TSGA10: variants seen among roughly 807,000 people sequenced by gnomAD.
The protein encoded by TSGA10 is testis specific 10.
A neutral mutation model predicts 96.6 loss-of-function variants in TSGA10; 43 were observed. The observed-to-expected ratio is 0.44, with a 90% CI of 0.35 to 0.57. The LOEUF is 0.57. TSGA10 is among the 20% of genes least tolerant of loss of function. The probability of loss-of-function intolerance (pLI) is 0.01; values close to 1 mark genes in which losing one functional copy is unlikely to be tolerated. For synonymous variants in TSGA10, 229 were observed against 269.9 expected, an observed-to-expected ratio of 0.85 and a Z score of 1.48; for missense variants, 703 against 834.4, an observed-to-expected ratio of 0.84 and a Z score of 1.94.
At chr2:99,049,512 T>C (rs2083161525) in intron 16 of TSGA10, among the ~76,000 whole-genome samples, 1 of 151,992 alleles carries the variant, frequency 6.6e-6, no homozygotes, top group South Asian at 2.1e-4. Context: ...TTCTCACTCA[T>C]AAGTGGGAGT....
In TSGA10 at chr2:99,109,394, C is replaced by A. The variant is rs188665285; in HGVS notation, c.46G>T (p.Ala16Ser). ...TGTAAGTTTATAAAACCTACCCGGG[C>A]AGTTGGTGATGGGCGTCTTGGACTT... Reference protein sequence around the residue: ...SKSPRRPSPTARGANCDVELL... With the variant: ...SKSPRRPSPTSRGANCDVELL... Residue 16 changes from alanine (A) to serine (S), a missense_variant, in exon 6 of 21, where the codon GCC (alanine) becomes TCC (serine). Physicochemically the swap from Ala to Ser is moderately conservative, Grantham distance 99 (BLOSUM62 1). Coordinates refer to ENST00000393483, the MANE Select transcript of TSGA10 (RefSeq NM_025244.4). 2.5e-6 allele frequency: 4 copies of A among 1,613,956 alleles called. No individual in the cohort carries two copies. In the African/African-American group the frequency reaches 4.0e-5, roughly 16 times the overall value.
intron 1 of TSGA10, among the ~76,000 whole-genome samples, chr2:99,136,731 G>A (rs1372487710): frequency 3.0e-5 from 1 of 33,642 alleles, no homozygotes; most frequent in South Asian, 1.1e-3. Flanking sequence ...CCCGGGAGGC[G>A]GAGCTTGCAG....
chr2:99,069,504 A>G (rs2085659862), intron 14 of TSGA10, among the ~76,000 whole-genome samples: 1 of 151,990 alleles, frequency 6.6e-6, no homozygotes, highest in Non-Finnish European at 1.5e-5. Flanking sequence ...GAAAATGTCT[A>G]TTTACATTTT....
intron 20 of TSGA10, among the ~76,000 whole-genome samples, chr2:99,002,866 T>C (rs1390577527): frequency 6.6e-6 from 1 of 151,846 alleles, no homozygotes. Flanking sequence ...AACAAACTTT[T>C]TTTTTTTTTT....
intron 20 of TSGA10, among the ~76,000 whole-genome samples, chr2:99,006,375 T>C (rs1399842496): frequency 6.6e-6 from 1 of 151,940 alleles, no homozygotes; most frequent in Non-Finnish European, 1.5e-5. Flanking sequence ...AATGGGAGAA[T>C]ATTTTTGCAA....
At chr2:99,072,017 TG>T in intron 13 of TSGA10, 143 bp from the exon 14 acceptor site, 1 of 681,018 alleles carries the variant, frequency 1.5e-6, no homozygotes, top group Non-Finnish European at 2.4e-6. Flanking sequence ...GAATAAATAC[TG>T]CAAAGACAGT....
chr2:99,133,302 C>T (rs1158279854), intron 1 of TSGA10, among the ~76,000 whole-genome samples: 1 of 152,096 alleles, frequency 6.6e-6, no homozygotes, highest in Non-Finnish European at 1.5e-5. Context: ...GGATAATTAG[C>T]TCTTCTTGTT....
At chr2:99,026,698 T>C (rs1390757484) in intron 17 of TSGA10, among the ~76,000 whole-genome samples, 3 of 151,962 alleles carry the variant, frequency 2.0e-5, no homozygotes, top group Admixed American at 1.3e-4. Context: ...GCTGGGATTA[T>C]AGGCATGAGC....
chr2:99,063,810 A>AAT (rs940808292), intron 16 of TSGA10, among the ~76,000 whole-genome samples: 14 of 151,880 alleles, frequency 9.2e-5, no homozygotes, highest in African/African-American at 2.2e-4. Context: ...ATCTCAAAAA[A>AAT]ATATATATAT....
At chr2:99,116,120 C>T (rs989465240) in intron 4 of TSGA10, among the ~76,000 whole-genome samples, 3 of 152,178 alleles carry the variant, frequency 2.0e-5, no homozygotes, top group Non-Finnish European at 4.4e-5. Flanking sequence ...CACGTAATAA[C>T]AATTAGCTTT....
chr2:99,075,686 T>A (rs143801741), intron 12 of TSGA10, among the ~76,000 whole-genome samples: 2,358 of 152,298 alleles, frequency 0.015, 51 homozygotes, highest in African/African-American at 0.053. Context: ...ATGGATGTGT[T>A]TACTTTCATA....
intron 17 of TSGA10, among the ~76,000 whole-genome samples, chr2:99,034,222 G>A (rs769198445): frequency 1.3e-5 from 2 of 151,808 alleles, no homozygotes; most frequent in Non-Finnish European, 2.9e-5. Context: ...GGCCAACATG[G>A]TGAAATACTG....
chr2:99,039,063 A>G (rs537270001), intron 16 of TSGA10, among the ~76,000 whole-genome samples: 30 of 152,260 alleles, frequency 2.0e-4, no homozygotes, highest in Middle Eastern at 3.4e-3. Flanking sequence ...TGAAATCGAG[A>G]TGGAAATTAA....
chr2:99,088,924 C>T (rs1261293093), intron 10 of TSGA10, among the ~76,000 whole-genome samples: 1 of 152,134 alleles, frequency 6.6e-6, no homozygotes, highest in Non-Finnish European at 1.5e-5. Flanking sequence ...CTCACTCAGA[C>T]GAACAAAGCA....
At chr2:99,138,090 TTA>T (rs1386098135) in intron 1 of TSGA10, among the ~76,000 whole-genome samples, 1 of 152,194 alleles carries the variant, frequency 6.6e-6, no homozygotes, top group African/African-American at 2.4e-5. Context: ...TTTCTGTTGC[TTA>T]TATGTTATTT....
At chr2:99,038,888 C>G (rs968407864) in intron 16 of TSGA10, among the ~76,000 whole-genome samples, 2 of 151,974 alleles carry the variant, frequency 1.3e-5, no homozygotes, top group Admixed American at 6.6e-5. Flanking sequence ...ATATGATAGG[C>G]CATAAAACAA....
chr2:99,083,814 G>A lies in TSGA10; in HGVS notation c.612-2417C>T, dbSNP rs114366944. On this transcript the variant is annotated intron_variant, in intron 10 of 20. Coordinates refer to ENST00000393483, the MANE Select transcript of TSGA10 (RefSeq NM_025244.4). Reference sequence around the variant, plus strand: ...GTCAGATATTAGGGATCATGGTGGGGGAAGAGGAGATGTGACTGTAAAGGA... The same window carrying A: ...GTCAGATATTAGGGATCATGGTGGGAGAAGAGGAGATGTGACTGTAAAGGA... Among the ~76,000 whole-genome samples the A allele has an allele frequency of 4.8e-3, 732 of 152,240 alleles. 9 individuals are homozygous for A. The highest frequency in any genetic ancestry group is 0.017 in the African/African-American group (698 of 41,542).
At chr2:99,093,696 G>A (rs1257344261) in intron 10 of TSGA10, among the ~76,000 whole-genome samples, 2 of 151,600 alleles carry the variant, frequency 1.3e-5, no homozygotes, top group African/African-American at 2.4e-5. Context: ...ACCTAACCAA[G>A]GAGGTGAAAG....
At chr2:99,107,264 T>C (rs2091436120) in intron 7 of TSGA10, among the ~76,000 whole-genome samples, 1 of 152,200 alleles carries the variant, frequency 6.6e-6, no homozygotes, top group African/African-American at 2.4e-5. Context: ...AGTCCCTTAA[T>C]GCCTTATATG....
Sources: allele counts gnomAD v4.1 joint callset (sites outside exome capture counted in the v4.1 genomes callset), GRCh38; gene constraint gnomAD v4.1.1; transcripts MANE v1.5; gene names NCBI Gene and HGNC (gene_info 2026-07-23, HGNC 2026-07-21).